Variants in PCDH7 observed in about 807,000 individuals in gnomAD.
PCDH7 encodes the protein protocadherin 7, also known as protocadherin-7.
PCDH7 carries 17 observed loss-of-function variants against 58.9 expected under a neutral mutation model. The observed-to-expected ratio is 0.29, with a 90% CI of 0.20 to 0.43. The LOEUF is 0.43. Ranked by LOEUF, PCDH7 falls within the 20% of genes least tolerant of loss-of-function variation. PCDH7 has a pLI of 1.00. For missense variants in PCDH7, 1,274 were observed against 1,441.0 expected (o/e 0.88, Z 1.88); for synonymous variants, 664 against 616.4 (o/e 1.08, Z -1.14).
intron 3 of PCDH7, among the ~76,000 whole-genome samples, chr4:30,957,497 C>A (rs1344460731): frequency 6.6e-6 from 1 of 152,068 alleles, no homozygotes; most frequent in Non-Finnish European, 1.5e-5. Context: ...GAAATTGTGA[C>A]ACTTTGGTGA....
intron 3 of PCDH7, among the ~76,000 whole-genome samples, chr4:31,025,787 G>A (rs61792946): frequency 0.046 from 7,046 of 152,226 alleles, 419 homozygotes; most frequent in East Asian, 0.3. Flanking sequence ...CATTTTGCAA[G>A]TCCAGTCTTC....
At chr4:31,013,438 C>A (rs1753355076) in intron 3 of PCDH7, among the ~76,000 whole-genome samples, 1 of 149,528 alleles carries the variant, frequency 6.7e-6, no homozygotes, top group Non-Finnish European at 1.5e-5. Context: ...ACACATATAT[C>A]ATATATCTTC....
intron 3 of PCDH7, among the ~76,000 whole-genome samples, chr4:30,961,567 A>C (rs1221438278): frequency 1.3e-5 from 2 of 152,084 alleles, no homozygotes; most frequent in African/African-American, 4.8e-5. Flanking sequence ...CAAAAAACAA[A>C]AAACAAAAAA....
At chr4:30,755,269 G>A (rs1468283116) in intron 1 of PCDH7, among the ~76,000 whole-genome samples, 1 of 152,180 alleles carries the variant, frequency 6.6e-6, no homozygotes, top group Non-Finnish European at 1.5e-5. Context: ...ATGTTTCTCT[G>A]TTTATGAATA....
intron 3 of PCDH7, among the ~76,000 whole-genome samples, chr4:31,087,485 C>T (rs1038215457): frequency 3.9e-5 from 6 of 152,058 alleles, no homozygotes; most frequent in Non-Finnish European, 8.8e-5. Flanking sequence ...AATACCTTTA[C>T]TAGAATGGAC....
At chr4:30,902,421 T>G (rs1188724647) in intron 1 of PCDH7, among the ~76,000 whole-genome samples, 8 of 152,164 alleles carry the variant, frequency 5.3e-5, no homozygotes, top group Admixed American at 5.2e-4. Flanking sequence ...TTTTTAAAAA[T>G]GCCGACACTA....
chr4:31,130,398 G>A (rs961728913), intron 3 of PCDH7, among the ~76,000 whole-genome samples: 8 of 152,046 alleles, frequency 5.3e-5, no homozygotes, highest in East Asian at 1.9e-4. Flanking sequence ...AATTAGGTAC[G>A]CATGACTCAA....
intron 3 of PCDH7, among the ~76,000 whole-genome samples, chr4:31,076,781 C>T (rs1418293363): frequency 6.6e-6 from 1 of 152,122 alleles, no homozygotes; most frequent in Non-Finnish European, 1.5e-5. Context: ...TGGTGTAATA[C>T]ACCACATTAA....
intron 3 of PCDH7, among the ~76,000 whole-genome samples, chr4:31,080,105 C>T (rs2109267230): frequency 6.6e-6 from 1 of 152,128 alleles, no homozygotes; most frequent in African/African-American, 2.4e-5. Context: ...GCTATTAAAT[C>T]CTTTCTAGTG....
At chr4:30,869,366 T>C (rs923284493) in intron 1 of PCDH7, among the ~76,000 whole-genome samples, 3 of 152,076 alleles carry the variant, frequency 2.0e-5, no homozygotes, top group African/African-American at 7.2e-5. Context: ...ACACGTGCCA[T>C]GGTGGTTTGC....
intron 3 of PCDH7, among the ~76,000 whole-genome samples, chr4:30,958,830 T>C (rs1578414917): frequency 6.6e-6 from 1 of 152,064 alleles, no homozygotes; most frequent in African/African-American, 2.4e-5. Context: ...AATTATCTTA[T>C]TATAAATTTA....
At chr4:31,100,539 A>G (rs1034649492) in intron 3 of PCDH7, among the ~76,000 whole-genome samples, 3 of 152,336 alleles carry the variant, frequency 2.0e-5, no homozygotes, top group African/African-American at 7.2e-5. Context: ...CGTGGTAAGC[A>G]TCAGAAGCCA....
At position 31,068,864 on chromosome 4, in the gene PCDH7, A is replaced by C. The variant is rs553336325; in HGVS notation, c.*8-73609A>C. 9.9e-5 allele frequency among the ~76,000 whole-genome samples: 15 copies of C among 152,148 alleles called. No homozygotes were observed. In the East Asian group the frequency reaches 2.1e-3, roughly 22 times the overall value. On this transcript the variant is annotated intron_variant, in intron 3 of 3. Transcript: ENST00000509759. The stretch of plus-strand genomic sequence containing the variant: ...GTGCCTAGAGTAGGCCCCGTGACTC[A>C]TATAAGCCATAATTACACTGGCCAT...
At chr4:30,733,343 A>G (rs1489520770), downstream of PCDH7, among the ~76,000 whole-genome samples, 1 of 152,224 alleles carries the variant, frequency 6.6e-6, no homozygotes, top group Non-Finnish European at 1.5e-5. Flanking sequence ...TTTATCTATC[A>G]GTACCGGTCC....
At position 31,079,925 on chromosome 4, in the gene PCDH7, A is replaced by T. The variant is rs560918044; in HGVS notation, c.*8-62548A>T. ...AGGAATAAAAAAGGAACACAAAATG[A>T]TGAGGGAAAGAATATAATACAAATA... On this transcript the variant is annotated intron_variant, in intron 3 of 3. Coordinates refer to the PCDH7 transcript ENST00000509759. 4.6e-5 allele frequency among the ~76,000 whole-genome samples: 7 copies of T among 152,294 alleles called. No individual in the cohort carries two copies. The East Asian group carries it at 1.4e-3, about 29-fold the overall frequency.
At chr4:30,843,902 T>C (rs151242382) in intron 1 of PCDH7, among the ~76,000 whole-genome samples, 2 of 151,988 alleles carry the variant, frequency 1.3e-5, no homozygotes, top group African/African-American at 4.8e-5. Flanking sequence ...GATTTCTCTG[T>C]GGGTTTCACT....
chr4:30,953,606 C>T (rs1258109228), intron 3 of PCDH7, among the ~76,000 whole-genome samples: 2 of 151,320 alleles, frequency 1.3e-5, no homozygotes, highest in Non-Finnish European at 2.9e-5. Flanking sequence ...CTGCATATGG[C>T]TTTGACATTA....
At chr4:31,022,578 C>T (rs1381060056) in intron 3 of PCDH7, among the ~76,000 whole-genome samples, 2 of 151,994 alleles carry the variant, frequency 1.3e-5, no homozygotes, top group African/African-American at 4.8e-5. Context: ...ACATAAATGT[C>T]AAAAAGAGAT....
At chr4:30,806,136 T>C (rs1159753268) in intron 1 of PCDH7, among the ~76,000 whole-genome samples, 1 of 152,140 alleles carries the variant, frequency 6.6e-6, no homozygotes, top group Non-Finnish European at 1.5e-5. Context: ...CTTTCATTAT[T>C]TAAAATCCTT....
Sources: gnomAD v4.1 joint callset for allele counts (sites outside exome capture counted in the v4.1 genomes callset) on GRCh38, gnomAD v4.1.1 for gene constraint, MANE v1.5 for transcripts, NCBI Gene and HGNC (gene_info 2026-07-23, HGNC 2026-07-21) for gene names.